The following DLGAP1 variants were observed in gnomAD, a reference collection of about 807,000 sequenced individuals.
The protein encoded by DLGAP1 is DLG associated protein 1.
DLGAP1 carries 11 observed loss-of-function variants against 90.8 expected under a neutral mutation model. The observed-to-expected ratio is 0.12, with a 90% CI of 0.08 to 0.20. DLGAP1 has a LOEUF of 0.20. Ranked by LOEUF, DLGAP1 falls within the 10% of genes least tolerant of loss-of-function variation. The pLI is 1.00. For missense variants in DLGAP1, 1,050 were observed against 1,333.8 expected, an observed-to-expected ratio of 0.79 and a Z score of 3.31; for synonymous variants, 558 against 540.7, an observed-to-expected ratio of 1.03 and a Z score of -0.44.
intron 3 of DLGAP1, among the ~76,000 whole-genome samples, chr18:3,921,990 C>T (rs1033413508): frequency 2.6e-5 from 4 of 151,242 alleles, no homozygotes; most frequent in East Asian, 1.9e-4. Context: ...GGACAGTTGC[C>T]GCCTCAGACC....
At chr18:3,588,779 C>A (rs375221029) in intron 7 of DLGAP1, among the ~76,000 whole-genome samples, 61 of 135,006 alleles carry the variant, frequency 4.5e-4, no homozygotes, top group Middle Eastern at 4.1e-3. Context: ...GACTCCATCT[C>A]AAAAAAAAAA....
At chr18:3,877,682 A>G (rs1182668576) in intron 4 of DLGAP1, among the ~76,000 whole-genome samples, 1 of 152,206 alleles carries the variant, frequency 6.6e-6, no homozygotes, top group East Asian at 1.9e-4. Context: ...CTAAGTTAAG[A>G]GACTGGGTTC....
chr18:4,415,427 C>T (rs919413418), intron 1 of DLGAP1, among the ~76,000 whole-genome samples: 7 of 151,970 alleles, frequency 4.6e-5, no homozygotes, highest in Non-Finnish European at 7.4e-5. Flanking sequence ...ATAAAATAAA[C>T]ATTCAAAAAA....
In DLGAP1 at chr18:3,623,048, G is replaced by A. The variant is rs2017991761; in HGVS notation, c.1592-40800C>T. Among the ~76,000 whole-genome samples the A allele has an allele frequency of 4.6e-5, 7 of 151,998 alleles. No homozygotes were observed. The South Asian group carries it at 6.2e-4, about 14-fold the overall frequency. Reference sequence around the variant, plus strand: ...TTGAACTCCTGACCTCAAATGATCCGCCTGCCTCTGCCTCCCAAAGTGCTG... The same window carrying A: ...TTGAACTCCTGACCTCAAATGATCCACCTGCCTCTGCCTCCCAAAGTGCTG... On this transcript the variant is annotated intron_variant, in intron 7 of 12. Transcript: ENST00000315677.
chr18:3,622,063 G>A (rs1322012222), intron 7 of DLGAP1, among the ~76,000 whole-genome samples: 2 of 152,112 alleles, frequency 1.3e-5, no homozygotes, highest in South Asian at 2.1e-4. Flanking sequence ...TAGTGTATGT[G>A]TATGTTGGCT....
intron 1 of DLGAP1, among the ~76,000 whole-genome samples, chr18:4,178,960 A>G (rs1343409152): frequency 6.6e-6 from 1 of 152,190 alleles, no homozygotes; most frequent in African/African-American, 2.4e-5. Context: ...TTTATTTATA[A>G]TAAACCCACC....
At chr18:4,377,151 C>T (rs568153295) in intron 1 of DLGAP1, among the ~76,000 whole-genome samples, 1 of 152,202 alleles carries the variant, frequency 6.6e-6, no homozygotes, top group Admixed American at 6.5e-5. Flanking sequence ...CACATACACG[C>T]TTGCACACAC....
At chr18:3,556,613 T>C (rs563204212) in intron 9 of DLGAP1, among the ~76,000 whole-genome samples, 72 of 152,326 alleles carry the variant, frequency 4.7e-4, no homozygotes, top group African/African-American at 1.5e-3. Context: ...TGCTGAATAA[T>C]ATTCTATTAT....
chr18:4,003,405 C>G (rs1014764966), intron 3 of DLGAP1, among the ~76,000 whole-genome samples: 10 of 150,858 alleles, frequency 6.6e-5, no homozygotes, highest in Non-Finnish European at 1.3e-4. Context: ...TCTTTTTGGA[C>G]CCATCTTCTT....
At position 3,963,891 on chromosome 18, in the gene DLGAP1, G is replaced by T. The variant is rs532684567; in HGVS notation, c.-73+41225C>A. Among the ~76,000 whole-genome samples, 3 of 152,264 alleles carry T rather than the reference G, an allele frequency of 2.0e-5. No individual in the cohort carries two copies. In the South Asian group the frequency reaches 6.2e-4, roughly 32 times the overall value. On this transcript the variant is annotated intron_variant, in intron 3 of 12. Transcript: ENST00000315677. ...AGAAAAAGGAAGGTAAAGCCCTTAA[G>T]AATAATGTAAATACCAATTAAAGTT...
At chr18:4,307,952 G>A (rs569974851) in intron 1 of DLGAP1, among the ~76,000 whole-genome samples, 44 of 152,162 alleles carry the variant, frequency 2.9e-4, no homozygotes, top group Non-Finnish European at 5.0e-4. Context: ...CTGACCTCAG[G>A]TGATTCCCCT....
intron 7 of DLGAP1, among the ~76,000 whole-genome samples, chr18:3,601,653 A>G (rs1804084782): frequency 6.6e-6 from 1 of 151,634 alleles, no homozygotes; most frequent in Non-Finnish European, 1.5e-5. Context: ...GACCAGCCTG[A>G]CCAACATGGT....
At chr18:3,663,602 T>C (rs925759254) in intron 7 of DLGAP1, among the ~76,000 whole-genome samples, 1 of 152,246 alleles carries the variant, frequency 6.6e-6, no homozygotes, top group African/African-American at 2.4e-5. Flanking sequence ...CTGGAAGCCC[T>C]GAACTGACAT....
At chr18:3,667,216 T>A (rs930628329) in intron 7 of DLGAP1, among the ~76,000 whole-genome samples, 2 of 152,082 alleles carry the variant, frequency 1.3e-5, no homozygotes, top group Non-Finnish European at 2.9e-5. Flanking sequence ...TAGCTGAGAT[T>A]ACAGACATGC....
chr18:4,286,487 C>A (rs1010542653), intron 1 of DLGAP1, among the ~76,000 whole-genome samples: 1 of 152,056 alleles, frequency 6.6e-6, no homozygotes, highest in Non-Finnish European at 1.5e-5. Context: ...GGAAGCCACC[C>A]CCAGGACACA....
At chr18:3,650,791 A>G (rs569912331) in intron 7 of DLGAP1, among the ~76,000 whole-genome samples, 2 of 152,350 alleles carry the variant, frequency 1.3e-5, no homozygotes, top group African/African-American at 4.8e-5. Flanking sequence ...GAAACTGGCC[A>G]GGCATGGCTG....
chr18:4,122,801 T>A lies in DLGAP1; in HGVS notation c.-159+28379A>T, dbSNP rs76921454. On this transcript the variant is annotated intron_variant, in intron 2 of 12. Transcript: ENST00000315677. The stretch of plus-strand genomic sequence containing the variant: ...TTTGTCTACTCCTTGGAGAGATTTA[T>A]TTGCATTCCAAAGGCTAAGAATAGG... Among the ~76,000 whole-genome samples the A allele has an allele frequency of 6.8e-3, 1,034 of 152,250 alleles. 10 individuals carry two copies. The highest frequency in any genetic ancestry group is 0.022 in the African/African-American group (923 of 41,554).
intron 4 of DLGAP1, among the ~76,000 whole-genome samples, chr18:3,855,501 T>C (rs539884219): frequency 1.1e-4 from 17 of 152,286 alleles, no homozygotes; most frequent in African/African-American, 3.8e-4. Context: ...AAGTGGCAAA[T>C]AATGGTTTGC....
intron 2 of DLGAP1, among the ~76,000 whole-genome samples, chr18:4,113,462 A>T (rs531566568): frequency 6.6e-6 from 1 of 151,692 alleles, no homozygotes; most frequent in East Asian, 1.9e-4. Context: ...TGGGGTTATT[A>T]TTATTATTTT....
Sources: gnomAD v4.1 joint callset for allele counts (sites outside exome capture counted in the v4.1 genomes callset) on GRCh38, gnomAD v4.1.1 for gene constraint, MANE v1.5 for transcripts, NCBI Gene and HGNC (gene_info 2026-07-23, HGNC 2026-07-21) for gene names.